The following CNTNAP5 variants were observed in gnomAD, a reference collection of about 807,000 sequenced individuals.
CNTNAP5 encodes contactin-associated protein-like 5.
Under a neutral mutation model 150.2 loss-of-function variants are expected in CNTNAP5, and 72 were observed. The ratio of observed to expected loss-of-function variants is 0.48; its 90% confidence interval spans 0.40 to 0.58. CNTNAP5 has a LOEUF of 0.58. CNTNAP5 is among the 20% of genes least tolerant of loss of function. The pLI is 0.00. For synonymous variants in CNTNAP5, 672 were observed against 619.8 expected (o/e 1.08, Z -1.25); for missense variants, 1,636 against 1,626.2 (o/e 1.01, Z -0.10).
In CNTNAP5 at chr2:124,801,770, G is replaced by T. The variant is rs1681972747; in HGVS notation, c.3217+3450G>T. ...ACCTAATTACCAGAGAATCATGGGGGGTGAGAATTGCATTATAAAGAACTG... is the reference window on the plus strand; with the variant it reads ...ACCTAATTACCAGAGAATCATGGGGTGTGAGAATTGCATTATAAAGAACTG... On this transcript the variant is annotated intron_variant, in intron 19 of 23. Coordinates refer to ENST00000682447, the MANE Select transcript of CNTNAP5 (RefSeq NM_001367498.1). 2.6e-5 allele frequency among the ~76,000 whole-genome samples: 4 copies of T among 152,156 alleles called. No homozygotes were observed. In the South Asian group the frequency reaches 8.3e-4, roughly 32 times the overall value.
rs545047807 is a variant in CNTNAP5, at chr2:124,367,465, A to G, written c.382-49978A>G. ...CTATCACGAGAGCAACATGTAGGTAACCACCCCCATGATTCAATTACCTCC... is the reference window on the plus strand; with the variant it reads ...CTATCACGAGAGCAACATGTAGGTAGCCACCCCCATGATTCAATTACCTCC... On this transcript the variant is annotated intron_variant, in intron 3 of 23. Coordinates refer to ENST00000682447, the MANE Select transcript of CNTNAP5 (RefSeq NM_001367498.1). Among the ~76,000 whole-genome samples the G allele has an allele frequency of 2.4e-4, 37 of 152,238 alleles. 3 individuals are homozygous for G. The South Asian group carries it at 6.9e-3, about 28-fold the overall frequency.
chr2:124,379,175 A>C (rs1247283735), intron 3 of CNTNAP5, among the ~76,000 whole-genome samples: 2 of 151,420 alleles, frequency 1.3e-5, no homozygotes, highest in Non-Finnish European at 2.9e-5. Context: ...CTGCATTGAC[A>C]CATCATTATC....
At chr2:124,319,354 G>T (rs1192727309) in intron 3 of CNTNAP5, among the ~76,000 whole-genome samples, 1 of 152,088 alleles carries the variant, frequency 6.6e-6, no homozygotes, top group African/African-American at 2.4e-5. Context: ...ATTAATGAAG[G>T]GTCTCTCATT....
At chr2:124,470,055 T>A (rs986505432) in intron 6 of CNTNAP5, among the ~76,000 whole-genome samples, 1 of 152,198 alleles carries the variant, frequency 6.6e-6, no homozygotes, top group Non-Finnish European at 1.5e-5. Flanking sequence ...TGTATCTTTA[T>A]AATAGAATGA....
intron 19 of CNTNAP5, among the ~76,000 whole-genome samples, chr2:124,846,463 C>A (rs1184774008): frequency 6.6e-6 from 1 of 152,024 alleles, no homozygotes; most frequent in Non-Finnish European, 1.5e-5. Context: ...TGAGGAATTT[C>A]TCTTTCATAT....
chr2:124,067,653 G>A (rs369085101), intron 1 of CNTNAP5, among the ~76,000 whole-genome samples: 90 of 152,238 alleles, frequency 5.9e-4, no homozygotes, highest in South Asian at 1.0e-3. Context: ...TGGGGGACAT[G>A]GCATTTTCTG....
At chr2:124,566,685 C>T (rs1696032432) in intron 11 of CNTNAP5, among the ~76,000 whole-genome samples, 1 of 152,210 alleles carries the variant, frequency 6.6e-6, no homozygotes, top group African/African-American at 2.4e-5. Context: ...ATTTGGCAAG[C>T]ACACCTTGGT....
At chr2:124,033,011 A>T (rs1412568293) in intron 1 of CNTNAP5, among the ~76,000 whole-genome samples, 1 of 152,176 alleles carries the variant, frequency 6.6e-6, no homozygotes, top group East Asian at 1.9e-4. Context: ...ACCAGGGATC[A>T]TTACTGCTAT....
At chr2:124,408,154 C>T (rs1359699709) in intron 3 of CNTNAP5, among the ~76,000 whole-genome samples, 1 of 152,196 alleles carries the variant, frequency 6.6e-6, no homozygotes, top group Non-Finnish European at 1.5e-5. Context: ...TCACTCCCAC[C>T]CGAATACTGC....
intron 6 of CNTNAP5, among the ~76,000 whole-genome samples, chr2:124,460,447 G>A (rs140717441): frequency 5.5e-4 from 83 of 152,170 alleles, no homozygotes; most frequent in African/African-American, 1.7e-3. Context: ...TTAAAAACAC[G>A]TATTACTTTA....
At chr2:124,537,742 G>A (rs1228264642) in intron 10 of CNTNAP5, among the ~76,000 whole-genome samples, 1 of 152,180 alleles carries the variant, frequency 6.6e-6, no homozygotes, top group African/African-American at 2.4e-5. Flanking sequence ...ACCTGGATTT[G>A]ATTAGAAATA....
At chr2:124,870,825 C>T (rs1677732103) in intron 21 of CNTNAP5, among the ~76,000 whole-genome samples, 1 of 152,006 alleles carries the variant, frequency 6.6e-6, no homozygotes, top group Non-Finnish European at 1.5e-5. Flanking sequence ...TGAAAAATGG[C>T]TGTGGAAAAA....
At chr2:124,326,492 T>G (rs1398133322) in intron 3 of CNTNAP5, among the ~76,000 whole-genome samples, 1 of 152,102 alleles carries the variant, frequency 6.6e-6, no homozygotes, top group Non-Finnish European at 1.5e-5. Flanking sequence ...CAAAATAATA[T>G]TTTATTAGAA....
chr2:124,919,844 G>T lies in CNTNAP5; in HGVS notation c.*5556G>T, dbSNP rs1678839548. Among the ~76,000 whole-genome samples the T allele has an allele frequency of 6.6e-6, 1 of 151,778 alleles. No homozygotes were observed. Among genetic ancestry groups the T allele is most frequent in the Non-Finnish European group, 1.5e-5 (1 of 67,950 alleles). On this transcript the variant is annotated 3_prime_UTR_variant, in exon 24 of 24. Coordinates refer to ENST00000682447, the MANE Select transcript of CNTNAP5 (RefSeq NM_001367498.1). ...CTAACCTGCCCAGGTTAAGCACCCA[G>T]ATGCAACTTTCAGGAAATGAAACTG... is the stretch of plus-strand genomic sequence containing the variant.
chr2:124,393,215 G>A (rs1864468), intron 3 of CNTNAP5, among the ~76,000 whole-genome samples: 80,751 of 151,740 alleles, frequency 0.53, 22,883 homozygotes, highest in South Asian at 0.67. Context: ...ATCCTCAGAT[G>A]TCAAACTTCT....
intron 3 of CNTNAP5, among the ~76,000 whole-genome samples, chr2:124,307,988 G>A (rs975167020): frequency 4.6e-5 from 7 of 152,228 alleles, no homozygotes; most frequent in Admixed American, 3.9e-4. Flanking sequence ...GAGAAACACC[G>A]CTCTGAAAGT....
chr2:124,061,440 G>A (rs541691857), intron 1 of CNTNAP5, among the ~76,000 whole-genome samples: 3 of 152,106 alleles, frequency 2.0e-5, no homozygotes, highest in Non-Finnish European at 4.4e-5. Context: ...TTAAATCTAT[G>A]AGAAAAGGAA....
chr2:124,699,808 C>G (rs1019697017), intron 13 of CNTNAP5, among the ~76,000 whole-genome samples: 10 of 151,670 alleles, frequency 6.6e-5, no homozygotes, highest in African/African-American at 2.4e-4. Flanking sequence ...TTCTTTCTTT[C>G]TCTTTCTTTC....
chr2:124,904,616 G>C (rs538776101), intron 22 of CNTNAP5, among the ~76,000 whole-genome samples: 3 of 152,074 alleles, frequency 2.0e-5, no homozygotes, highest in Non-Finnish European at 4.4e-5. Context: ...TTCCAAAAAT[G>C]CATAATGAAG....
Sources: allele counts gnomAD v4.1 joint callset (sites outside exome capture counted in the v4.1 genomes callset), GRCh38; gene constraint gnomAD v4.1.1; transcripts MANE v1.5; gene names NCBI Gene and HGNC (gene_info 2026-07-23, HGNC 2026-07-21).